EVL: variants seen among roughly 807,000 people sequenced by gnomAD.
EVL encodes the protein Enah/Vasp-like.
In EVL, 21 loss-of-function variants were observed where a neutral mutation model predicts 59.6. The observed-to-expected ratio is 0.35, with a 90% CI of 0.25 to 0.51. EVL has a LOEUF of 0.51. Ranked by LOEUF, EVL falls within the 20% of genes least tolerant of loss-of-function variation. The pLI is 0.97. For synonymous variants in EVL, 198 were observed against 203.5 expected (o/e 0.97, Z 0.23); for missense variants, 462 against 546.6 (o/e 0.85, Z 1.54).
chr14:100,074,490 A>C (rs1285629416), intron 1 of EVL: 1 of 152,264 alleles, frequency 6.6e-6, no homozygotes, highest in Non-Finnish European at 1.5e-5. Flanking sequence ...AGATGATTCT[A>C]CTTGTTTTAC....
rs375810603 is a variant in EVL, at chr14:100,038,771, G to GGGGTGTGTGTGT, written c.6-45915_6-45914insGGTGTGTGTGTG. 1.1e-3 allele frequency among the ~76,000 whole-genome samples: 160 copies of GGGGTGTGTGTGT among 141,004 alleles called. 1 individual carries two copies. The highest frequency in any genetic ancestry group is 3.0e-3 in the African/African-American group (115 of 38,450). The allele number at this position is 141,004 out of a possible 152,430, so 92.5% of individuals were successfully genotyped here. On this transcript the variant is annotated intron_variant, in intron 1 of 13. Coordinates refer to the EVL transcript ENST00000402714. ...TAGTACCCTGTGTGCTGTGCCCTGG[G>GGGGTGTGTGTGT]GTGTGTGTGTGTGTGTGTGTGTGTG...
chr14:100,120,678 G>A (rs1341713634), intron 3 of EVL, among the ~76,000 whole-genome samples: 1 of 152,204 alleles, frequency 6.6e-6, no homozygotes, highest in Non-Finnish European at 1.5e-5. Context: ...GGTGCAGGAG[G>A]TCAGCTATGG....
In EVL at chr14:100,137,613, G is replaced by C; in HGVS notation, c.1000G>C (p.Val334Leu). The C allele has an allele frequency of 1.2e-6, 2 of 1,614,088 alleles. No homozygotes were observed. Among genetic ancestry groups the C allele is most frequent in the Admixed American group, 3.3e-5 (2 of 60,024 alleles). Residue 334 changes from valine to leucine, a missense_variant, in exon 10 of 14, where the codon GTG becomes CTG. Physicochemically the swap from Val to Leu is conservative, Grantham distance 32. Coordinates refer to ENST00000392920, the MANE Select transcript of EVL (RefSeq NM_016337.3). ...GRKPWERSNS[V>L]EKPVSSILSR... ...GAAGCCCTGGGAGCGGAGCAACTCG[G>C]TGGAGAAGCCTGTGTCCTCGATTCT...
intron 1 of EVL, among the ~76,000 whole-genome samples, chr14:100,084,094 C>T (rs910174414): frequency 1.2e-4 from 17 of 146,574 alleles, no homozygotes; most frequent in African/African-American, 3.9e-4. Flanking sequence ...CTCTGTTGTC[C>T]AGGCTGGAGT....
chr14:100,087,550 G>A (rs900286715), intron 2 of EVL, among the ~76,000 whole-genome samples: 3 of 152,162 alleles, frequency 2.0e-5, no homozygotes, highest in Non-Finnish European at 2.9e-5. Context: ...GGAGGTTGAG[G>A]CTTCAGTAAG....
intron 5 of EVL, among the ~76,000 whole-genome samples, chr14:100,128,033 T>C (rs1421707063): frequency 6.6e-6 from 1 of 152,148 alleles, no homozygotes; most frequent in African/African-American, 2.4e-5. Context: ...GCACTCGGCA[T>C]TGCGCCCTGA....
chr14:100,010,337 T>G (rs1566968247), intron 1 of EVL, among the ~76,000 whole-genome samples: 1 of 152,148 alleles, frequency 6.6e-6, no homozygotes, highest in Non-Finnish European at 1.5e-5. Flanking sequence ...ACCCCTTAGG[T>G]AGGAATTTGG....
At chr14:100,026,243 C>CA (rs58784988) in intron 1 of EVL, among the ~76,000 whole-genome samples, 208 of 143,506 alleles carry the variant, frequency 1.4e-3, no homozygotes, top group Admixed American at 4.4e-3. Context: ...AAAAAAAAAA[C>CA]AAAAAAAAAA....
rs573214302 is a variant in EVL at position 100,071,424 on chromosome 14, G to C, written c.11+5913G>C. ...TACTAAGACATCATTTGCCATTTCA[G>C]CTCTTGTCTCATGAATTCATGGTGG... On this transcript the variant is annotated intron_variant, in intron 1 of 13. Coordinates refer to ENST00000392920, the MANE Select transcript of EVL (RefSeq NM_016337.3). Among the ~76,000 whole-genome samples the C allele has an allele frequency of 2.6e-5, 4 of 152,274 alleles. No homozygotes were observed. In the South Asian group the frequency reaches 6.2e-4, roughly 24 times the overall value.
At chr14:100,107,100 C>T (rs1181363219) in intron 3 of EVL, 5 of 398,614 alleles carry the variant, frequency 1.3e-5, no homozygotes, top group Admixed American at 4.4e-5. Context: ...CGAAGATGCC[C>T]GGTGCCTGGT....
chr14:100,112,100 CT>C (rs1261191556), intron 3 of EVL, among the ~76,000 whole-genome samples: 2 of 152,226 alleles, frequency 1.3e-5, no homozygotes, highest in African/African-American at 4.8e-5. Flanking sequence ...CATTTCTTTC[CT>C]AAGGAAGGAG....
intron 9 of EVL, among the ~76,000 whole-genome samples, chr14:100,136,531 C>T (rs992642858): frequency 1.3e-5 from 2 of 152,136 alleles, no homozygotes; most frequent in African/African-American, 2.4e-5. Context: ...GTTGTTCATT[C>T]GACAAACATC....
intron 2 of EVL, among the ~76,000 whole-genome samples, chr14:100,095,499 T>A (rs889278348): frequency 2.6e-5 from 4 of 152,214 alleles, no homozygotes; most frequent in Non-Finnish European, 5.9e-5. Flanking sequence ...TAGTTACTAG[T>A]TATTATTTGC....
In EVL at chr14:100,108,626, G is replaced by A. The variant is rs557118394; in HGVS notation, c.358+10968G>A. Among the ~76,000 whole-genome samples, 29 of 152,250 alleles carry A rather than the reference G, an allele frequency of 1.9e-4. No homozygotes were observed. The highest frequency in any genetic ancestry group is 5.8e-4 in the African/African-American group (24 of 41,544). On this transcript the variant is annotated intron_variant, in intron 3 of 13. Coordinates refer to ENST00000392920, the MANE Select transcript of EVL (RefSeq NM_016337.3). This position sits in a 1 kb window ranked among gnomAD's most constrained non-coding sequence, Gnocchi z 4.1. ...TGCCAACAGCTACCCAAGTCGCACC[G>A]TCAGTCACACTCTTACTCAGGCTCT...
rs1888373294 is a variant in EVL at position 100,130,601 on chromosome 14, G to T, written c.839+917G>T. Among the ~76,000 whole-genome samples, 1 of 152,178 alleles carries T rather than the reference G, an allele frequency of 6.6e-6. No individual in the cohort carries two copies. Among genetic ancestry groups the T allele is most frequent in the African/African-American group, 2.4e-5 (1 of 41,436 alleles). On this transcript the variant is annotated intron_variant, in intron 7 of 13. Transcript: ENST00000392920. The surrounding 1 kb of genome is among the most constrained non-coding windows in gnomAD (Gnocchi z 4.8). ...CCCAAGTGAGAACTCTGTGTGCCCA[G>T]GGTCTTCACACTGCAGTCCTAGTTC...
intron 1 of EVL, among the ~76,000 whole-genome samples, chr14:99,998,819 C>A (rs2060929089): frequency 6.6e-6 from 1 of 152,156 alleles, no homozygotes; most frequent in Non-Finnish European, 1.5e-5. Context: ...CTCCAAGATA[C>A]ATAATGTTGC....
At chr14:100,043,462 C>T (rs2061498952) in intron 1 of EVL, among the ~76,000 whole-genome samples, 1 of 146,514 alleles carries the variant, frequency 6.8e-6, no homozygotes, top group Non-Finnish European at 1.5e-5. Context: ...GGCCTGTGAG[C>T]CCAGGGTGGG....
At chr14:100,027,762 C>T (rs2061238153) in intron 1 of EVL, among the ~76,000 whole-genome samples, 2 of 152,160 alleles carry the variant, frequency 1.3e-5, no homozygotes, top group Admixed American at 1.3e-4. Context: ...GCAACCTCCA[C>T]CTCCCAGGTT....
rs61269076 is a variant in EVL, at chr14:100,006,013, C to G, written c.5+33956C>G. Among the ~76,000 whole-genome samples the G allele has an allele frequency of 6.4e-3, 894 of 139,240 alleles. 5 individuals carry two copies. Among genetic ancestry groups the G allele is most frequent in the African/African-American group, 0.023 (841 of 36,624 alleles). The allele number at this position is 139,240 out of a possible 152,430, so 91.3% of individuals were successfully genotyped here. ...TTTCCCCTTTTGCTGGCCATTTCCC[C>G]CCCCCCCCCCACACCGACAACACTT... On this transcript the variant is annotated intron_variant, in intron 1 of 13. Coordinates refer to the EVL transcript ENST00000402714.
Sources: gnomAD v4.1 joint callset for allele counts (sites outside exome capture counted in the v4.1 genomes callset) on GRCh38, gnomAD v4.1.1 for gene constraint, Gnocchi (gnomAD v3.1) non-coding constraint, MANE v1.5 for transcripts, NCBI Gene and HGNC (gene_info 2026-07-23, HGNC 2026-07-21) for gene names.